Variants in ZNF816 observed in about 807,000 individuals in gnomAD.
ZNF816 encodes the protein zinc finger protein 816A.
ZNF816 carries 11 observed loss-of-function variants against 8.3 expected under a neutral mutation model. The ratio of observed to expected loss-of-function variants is 1.32; its 90% CI spans 0.83 to 2.19. The LOEUF (loss-of-function observed/expected upper bound fraction) is 2.19. Among genes scored for constraint, ZNF816 ranks in the 30% most tolerant of loss-of-function variants. The probability of loss-of-function intolerance (pLI) is 0.00; values close to 1 mark genes in which losing one functional copy is unlikely to be tolerated. For synonymous variants in ZNF816, 255 were observed against 254.5 expected (o/e 1.00, Z -0.02); for missense variants, 710 against 779.3 (o/e 0.91, Z 1.06).
In ZNF816 at chr19:52,950,848, T is replaced by A. The variant is rs2083451504; in HGVS notation, c.927A>T (p.Gly309=). ...SLVCHRRLHT[G]EKPYKCNECG... is the part of the protein sequence containing the mutation. ...ACTCATTACACTTGTAAGGTTTCTC[T>A]CCAGTATGAAGTCTACGATGGCATA... The change falls in exon 4 of 4, where the codon GGA becomes GGT. Residue 309 remains glycine (G), a synonymous_variant. Transcript: ENST00000444460. The A allele has an allele frequency of 6.2e-7, 1 of 1,614,042 alleles. No individual in the cohort carries two copies. Among genetic ancestry groups the A allele is most frequent in the Non-Finnish European group, 8.5e-7 (1 of 1,180,014 alleles).
In ZNF816 at chr19:52,952,505, G is replaced by A. The variant is rs2083468018; in HGVS notation, c.190+246C>T. On this transcript the variant is annotated intron_variant, in intron 3 of 3. Coordinates refer to ENST00000444460, the MANE Select transcript of ZNF816 (RefSeq NM_001202457.3). ...GGGCTTCCAGGGACATCTCTTCCTA[G>A]AGCAGGATGATGTTCAATTGTATTA... 8.0e-6 allele frequency: 5 copies of A among 624,638 alleles called. No individual in the cohort carries two copies. In the South Asian group the frequency reaches 1.2e-4, roughly 15 times the overall value. The allele number at this position is 624,638 out of a possible 1,614,324, so 38.7% of individuals were successfully genotyped here.
chr19:52,958,207 T>C (rs922898859), intron 1 of ZNF816, among the ~76,000 whole-genome samples: 1 of 151,844 alleles, frequency 6.6e-6, no homozygotes, highest in Non-Finnish European at 1.5e-5. Flanking sequence ...CAGGGACCAA[T>C]GACTACAGGC....
At chr19:52,959,041 T>G (rs1392144514) in intron 1 of ZNF816, among the ~76,000 whole-genome samples, 2 of 152,250 alleles carry the variant, frequency 1.3e-5, no homozygotes, top group Non-Finnish European at 2.9e-5. Context: ...TGATCCAAAC[T>G]GTGGGGCCCT....
intron 3 of ZNF816, among the ~76,000 whole-genome samples, chr19:52,952,128 C>T (rs943345759): frequency 1.3e-5 from 2 of 151,950 alleles, no homozygotes; most frequent in East Asian, 1.9e-4. Flanking sequence ...CCCAACACTT[C>T]GAGGCTGAGG....
At chr19:52,959,042 G>C (rs978413699) in intron 1 of ZNF816, among the ~76,000 whole-genome samples, 2 of 152,230 alleles carry the variant, frequency 1.3e-5, no homozygotes, top group East Asian at 3.9e-4. Context: ...GATCCAAACT[G>C]TGGGGCCCTG....
At chr19:52,953,699 T>C (rs1234985282) in intron 2 of ZNF816, among the ~76,000 whole-genome samples, 2 of 140,130 alleles carry the variant, frequency 1.4e-5, no homozygotes, top group East Asian at 3.9e-4. Context: ...AATAAATATA[T>C]TATTAAATAA....
rs1381629623 is a variant in ZNF816, at chr19:52,957,932, G to C, written c.-15-1828C>G. Among the ~76,000 whole-genome samples the C allele has an allele frequency of 6.6e-6, 1 of 152,166 alleles. No homozygotes were observed. The highest frequency in any genetic ancestry group is 1.5e-5 in the Non-Finnish European group (1 of 68,032). On this transcript the variant is annotated intron_variant, in intron 1 of 3. Transcript: ENST00000444460. This position sits in a 1 kb window ranked among gnomAD's most constrained non-coding sequence, Gnocchi z 4.6. ...AGAGGAATGGAGACTTCTTTTAACTGAGCCAGGCCAAGAGATAAGACCAAC... is the reference window on the plus strand; with the variant it reads ...AGAGGAATGGAGACTTCTTTTAACTCAGCCAGGCCAAGAGATAAGACCAAC...
At position 52,950,403 on chromosome 19, in the gene ZNF816, A is replaced by G. The variant is rs2083445610; in HGVS notation, c.1372T>C (p.Cys458Arg). 1 of 1,613,372 alleles carries G rather than the reference A, an allele frequency of 6.2e-7. No individual in the cohort carries two copies. Reference sequence around the variant, plus strand: ...GACTTCCGACTGAAACTCCTGCCACATTTATTACACTTGTATGGTTTCTCT... The same window carrying G: ...GACTTCCGACTGAAACTCCTGCCACGTTTATTACACTTGTATGGTTTCTCT... The part of the protein sequence containing the change: ...TGEKPYKCNK[C>R]GRSFSRKSSL... Residue 458 changes from cysteine to arginine, a missense_variant, in exon 4 of 4, where the codon TGT becomes CGT. Transcript: ENST00000444460.
At chr19:52,952,130 AG>A (rs1267111020) in intron 3 of ZNF816, among the ~76,000 whole-genome samples, 2 of 152,226 alleles carry the variant, frequency 1.3e-5, no homozygotes, top group East Asian at 3.9e-4. Context: ...CAACACTTCG[AG>A]GCTGAGGTGG....
intron 2 of ZNF816, among the ~76,000 whole-genome samples, chr19:52,954,505 A>G (rs536698650): frequency 6.6e-6 from 1 of 152,342 alleles, no homozygotes; most frequent in South Asian, 2.1e-4. Flanking sequence ...GAAAATTTTC[A>G]GAACTTGCAG....
At chr19:52,960,660 G>A (rs10408610) in intron 1 of ZNF816, among the ~76,000 whole-genome samples, 76,831 of 152,016 alleles carry the variant, frequency 0.51, 21,979 homozygotes, top group African/African-American at 0.79. Flanking sequence ...CTTTCTCCCC[G>A]GGTGATTGAG....
intron 1 of ZNF816, among the ~76,000 whole-genome samples, chr19:52,958,879 C>T (rs2083532580): frequency 1.3e-5 from 2 of 152,278 alleles, no homozygotes; most frequent in Admixed American, 1.3e-4. Context: ...AGGGGCAGGA[C>T]CAGGAACCTT....
chr19:52,950,016 G>A lies in ZNF816; in HGVS notation c.1759C>T (p.His587Tyr). 1 of 1,614,028 alleles carries A rather than the reference G, an allele frequency of 6.2e-7. No individual in the cohort carries two copies. Among genetic ancestry groups the A allele is most frequent in the Non-Finnish European group, 8.5e-7 (1 of 1,179,952 alleles). ...KGILAQHQRV[H>Y]TGEKPYKCNE... The stretch of plus-strand genomic sequence containing the variant: ...CACTTGTAAGGTTTCTCTCCAGTAT[G>A]AACTCTCTGATGTTGTGCAAGGATT... Residue 587 changes from histidine (H) to tyrosine (Y), a missense_variant, in exon 4 of 4, where the codon CAT (histidine) becomes TAT (tyrosine). His to Tyr is a moderately conservative substitution (Grantham distance 83). Coordinates refer to ENST00000444460, the MANE Select transcript of ZNF816 (RefSeq NM_001202457.3).
chr19:52,957,023 A>T lies in ZNF816; in HGVS notation c.-15-919T>A, dbSNP rs2083516438. On this transcript the variant is annotated intron_variant, in intron 1 of 3. Coordinates refer to ENST00000444460, the MANE Select transcript of ZNF816 (RefSeq NM_001202457.3). The surrounding 1 kb of genome is among the most constrained non-coding windows in gnomAD (Gnocchi z 4.6). ...AAGTCACATTCCCCACACTTGCTTG[A>T]TCTATCATGACCCTTTCACGTGGAT... Among the ~76,000 whole-genome samples the T allele has an allele frequency of 6.6e-6, 1 of 152,170 alleles. No homozygotes were observed. Among genetic ancestry groups the T allele is most frequent in the African/African-American group, 2.4e-5 (1 of 41,438 alleles).
rs978168250 is a variant in ZNF816 at position 52,949,987 on chromosome 19, A to G, written c.1788T>C (p.Asn596=). ...TTTGATTAAAAACCTTGCCACATTC[A>G]TTACACTTGTAAGGTTTCTCTCCAG... ...VHTGEKPYKC[N]ECGKVFNQKA... is the part of the protein sequence containing the mutation. Residue 596 remains asparagine (N), a synonymous_variant, in exon 4 of 4, where the codon AAT becomes AAC. Transcript: ENST00000444460. 6.2e-7 allele frequency: 1 copy of G among 1,613,998 alleles called. No individual in the cohort carries two copies. Among genetic ancestry groups the G allele is most frequent in the Non-Finnish European group, 8.5e-7 (1 of 1,179,928 alleles).
chr19:52,949,744 G>A lies in ZNF816; in HGVS notation c.*75C>T, dbSNP rs2083437122. ...AAAATTTGCCACATTTATTACACTT[G>A]TAGATCTCTCTTCAATATGGATTCT... On this transcript the variant is annotated 3_prime_UTR_variant, in exon 4 of 4. Transcript: ENST00000444460. 5 of 1,606,650 alleles carry A rather than the reference G, an allele frequency of 3.1e-6. No individual in the cohort carries two copies. The East Asian group carries it at 8.9e-5, about 29-fold the overall frequency.
At chr19:52,961,160 A>G (rs781368374) in intron 1 of ZNF816, among the ~76,000 whole-genome samples, 1 of 152,212 alleles carries the variant, frequency 6.6e-6, no homozygotes, top group Non-Finnish European at 1.5e-5. Context: ...GTAGCCCAGG[A>G]AATGACAAAC....
At position 52,952,810 on chromosome 19, in the gene ZNF816, G is replaced by A; in HGVS notation, c.131C>T (p.Ala44Val). 1 of 1,613,932 alleles carries A rather than the reference G, an allele frequency of 6.2e-7. No individual in the cohort carries two copies. The highest frequency in any genetic ancestry group is 8.5e-7 in the Non-Finnish European group (1 of 1,179,978). Residue 44 changes from alanine to valine, a missense_variant, in exon 3 of 4, where the codon GCA becomes GTA. Ala to Val is a moderately conservative substitution (Grantham distance 64). Transcript: ENST00000444460. ...SLEEWKCLNP[A>V]QRALYRAVML... ...CACAGCCCTGTATAAAGCCCTCTGTGCAGGGTTCAGGCATTTCCACTCCTC... is the reference window on the plus strand; with the variant it reads ...CACAGCCCTGTATAAAGCCCTCTGTACAGGGTTCAGGCATTTCCACTCCTC...
intron 1 of ZNF816, among the ~76,000 whole-genome samples, chr19:52,959,159 GATA>G (rs1240100137): frequency 6.6e-6 from 1 of 152,236 alleles, no homozygotes; most frequent in Non-Finnish European, 1.5e-5. Flanking sequence ...AGAAGAAGCA[GATA>G]AACTAACTCT....
Sources: allele counts gnomAD v4.1 joint callset (sites outside exome capture counted in the v4.1 genomes callset), GRCh38; gene constraint gnomAD v4.1.1; non-coding constraint Gnocchi (gnomAD v3.1); transcripts MANE v1.5; gene names NCBI Gene and HGNC (gene_info 2026-07-23, HGNC 2026-07-21).